The following UBE2B variants were observed in gnomAD, a reference collection of about 807,000 sequenced individuals.
The protein encoded by UBE2B is ubiquitin-conjugating enzyme E2 B.
In UBE2B, 11 loss-of-function variants were observed where a neutral mutation model predicts 24.6. The observed-to-expected ratio is 0.45, with a 90% CI of 0.28 to 0.74. The LOEUF (loss-of-function observed/expected upper bound fraction) is 0.74. Among genes scored for constraint, UBE2B ranks in the 30% least tolerant of loss-of-function variants. The probability of loss-of-function intolerance (pLI) is 0.13; values close to 1 mark genes in which losing one functional copy is unlikely to be tolerated. For missense variants in UBE2B, 78 were observed against 185.6 expected (o/e 0.42, Z 3.37); for synonymous variants, 68 against 62.4 (o/e 1.09, Z -0.42).
intron 1 of UBE2B, among the ~76,000 whole-genome samples, chr5:134,373,557 CAT>C (rs1758535750): frequency 6.6e-6 from 1 of 152,138 alleles, no homozygotes; most frequent in African/African-American, 2.4e-5. Flanking sequence ...TATGTATACA[CAT>C]GTGCCATGTT....
intron 4 of UBE2B, among the ~76,000 whole-genome samples, chr5:134,383,985 G>A (rs1459474223): frequency 4.6e-5 from 7 of 151,882 alleles, no homozygotes; most frequent in South Asian, 4.2e-4. Flanking sequence ...TTCACTAAAC[G>A]ATGGCTAATT....
intron 2 of UBE2B, 114 bp from the exon 3 acceptor site, chr5:134,376,555 A>C (rs1758614302): frequency 8.7e-7 from 1 of 1,147,414 alleles, no homozygotes; most frequent in East Asian, 2.4e-5. Context: ...AAAACTCCAC[A>C]AATCATCAGA....
At chr5:134,384,061 T>A (rs6863127) in intron 4 of UBE2B, among the ~76,000 whole-genome samples, 2 of 152,224 alleles carry the variant, frequency 1.3e-5, no homozygotes, top group East Asian at 3.9e-4. Flanking sequence ...TATATTTCTG[T>A]ATTATAAATT....
chr5:134,385,997 A>G (rs1313597264), intron 4 of UBE2B, among the ~76,000 whole-genome samples: 1 of 149,774 alleles, frequency 6.7e-6, no homozygotes, highest in African/African-American at 2.5e-5. Context: ...TGGGTGACAG[A>G]GCGAGACTCC....
At chr5:134,378,159 G>C (rs35489320) in intron 3 of UBE2B, among the ~76,000 whole-genome samples, 1 of 152,288 alleles carries the variant, frequency 6.6e-6, no homozygotes, top group East Asian at 1.9e-4. Flanking sequence ...GACAGAGTGA[G>C]ACCTTGTCTT....
intron 2 of UBE2B, among the ~76,000 whole-genome samples, chr5:134,376,340 A>ATACATAT (rs1206993709): frequency 8.4e-4 from 5 of 5,924 alleles, no homozygotes; most frequent in Admixed American, 2.7e-3. Context: ...AAAAAAAAAA[A>ATACATAT]AAAAAAAAAT....
intron 2 of UBE2B, 95 bp from the exon 3 acceptor site, chr5:134,376,574 C>G: frequency 1.5e-6 from 2 of 1,344,106 alleles, no homozygotes; most frequent in Non-Finnish European, 2.1e-6. Context: ...GAATGAGTCC[C>G]TCTTTTTCTG....
At chr5:134,380,919 C>T (rs1758697263) in intron 4 of UBE2B, 111 bp downstream of exon 4, 1 of 519,424 alleles carries the variant, frequency 1.9e-6, no homozygotes, top group Non-Finnish European at 3.6e-6. Flanking sequence ...GTAGGTGTTG[C>T]TTCCATGTCC....
At position 134,371,769 on chromosome 5, in the gene UBE2B, C is replaced by G. The variant is rs1365847365; in HGVS notation, c.44+130C>G. 4 of 1,405,064 alleles carry G rather than the reference C, an allele frequency of 2.8e-6. No individual in the cohort carries two copies. The East Asian group carries it at 9.8e-5, about 34-fold the overall frequency. The allele number at this position is 1,405,064 out of a possible 1,614,324, so 87.0% of individuals were successfully genotyped here. On this transcript the variant is annotated intron_variant, in intron 1 of 5. Coordinates refer to ENST00000265339, the MANE Select transcript of UBE2B (RefSeq NM_003337.4). ...GTGGGCCCAGCGGGACTGGCGGAAG[C>G]CGGGTCCTAGCCTCGGCCCTACTCC...
intron 4 of UBE2B, 26 bp from the exon 5 acceptor site, chr5:134,388,299 A>G (rs1758839760): frequency 6.3e-7 from 1 of 1,595,386 alleles, no homozygotes; most frequent in Non-Finnish European, 8.6e-7. Flanking sequence ...CAGAGTGTGT[A>G]ACTAATTTTA....
Position 134,376,338 on chromosome 5 carries a change from A to ATATATATATATAT in UBE2B, c.126-331_126-330insTATATATATATAT, listed in dbSNP as rs1276778610. ...ACTCCGTCTCAAAAAAAAAAAAAAA[A>ATATATATATATAT]AAAAAAAAAAATATATATATATATA... On this transcript the variant is annotated intron_variant, in intron 2 of 5. Coordinates refer to ENST00000265339, the MANE Select transcript of UBE2B (RefSeq NM_003337.4). 8.5e-3 allele frequency among the ~76,000 whole-genome samples: 37 copies of ATATATATATATAT among 4,366 alleles called. 1 individual carries two copies. The highest frequency in any genetic ancestry group is 0.015 in the Admixed American group (3 of 204). The allele number at this position is 4,366 out of a possible 152,430, so 2.9% of individuals were successfully genotyped here. A position where few individuals can be genotyped will look rare whatever the true frequency, so the allele number is the denominator to read the frequency against.
rs1014094703 is a variant in UBE2B at position 134,391,779 on chromosome 5, A to G, written c.*1426A>G. On this transcript the variant is annotated 3_prime_UTR_variant, in exon 6 of 6. Transcript: ENST00000265339. ...GGACTTTGAGACCAGCCAGGGCAACATAATAAGACTTTTCTCTACTTTAAA... is the reference window on the plus strand; with the variant it reads ...GGACTTTGAGACCAGCCAGGGCAACGTAATAAGACTTTTCTCTACTTTAAA... 8 of 152,238 alleles carry G rather than the reference A, an allele frequency of 5.3e-5. No homozygotes were observed. The highest frequency in any genetic ancestry group is 2.6e-4 in the Admixed American group (4 of 15,276). 9.4% of individuals were successfully genotyped at this position (152,238 alleles called of 1,614,324 possible). A position where few individuals can be genotyped will look rare whatever the true frequency, so the allele number is the denominator to read the frequency against.
chr5:134,381,665 C>T (rs892236403), intron 4 of UBE2B, among the ~76,000 whole-genome samples: 12 of 152,110 alleles, frequency 7.9e-5, no homozygotes, highest in African/African-American at 2.9e-4. Context: ...AATACATGGT[C>T]GGGCATGGTG....
chr5:134,384,205 C>A (rs1482122113), intron 4 of UBE2B, among the ~76,000 whole-genome samples: 2 of 152,186 alleles, frequency 1.3e-5, no homozygotes, highest in Non-Finnish European at 2.9e-5. Context: ...TTGGTCGTGT[C>A]TCTAGTACTG....
At chr5:134,381,779 A>G (rs1028177609) in intron 4 of UBE2B, among the ~76,000 whole-genome samples, 2 of 152,160 alleles carry the variant, frequency 1.3e-5, no homozygotes, top group Non-Finnish European at 2.9e-5. Flanking sequence ...CCCCATCACT[A>G]CTAAAAATAC....
At chr5:134,376,020 G>A (rs896117468) in intron 2 of UBE2B, among the ~76,000 whole-genome samples, 2 of 151,460 alleles carry the variant, frequency 1.3e-5, no homozygotes, top group Non-Finnish European at 2.9e-5. Context: ...AAAATGAAAA[G>A]ATGTCTTTTC....
At chr5:134,382,693 G>C (rs1483295988) in intron 4 of UBE2B, among the ~76,000 whole-genome samples, 1 of 151,674 alleles carries the variant, frequency 6.6e-6, no homozygotes, top group Admixed American at 6.6e-5. Flanking sequence ...AGAATTGCTG[G>C]AGCCTGGGAG....
At chr5:134,376,821 GGAAAA>G (rs1409899056) in intron 3 of UBE2B, 127 bp downstream of exon 3, 1 of 889,518 alleles carries the variant, frequency 1.1e-6, no homozygotes, top group African/African-American at 1.7e-5. Context: ...GTAAAGCTAT[GGAAAA>G]TTTATACTTC....
In UBE2B at chr5:134,387,906, G is replaced by A. The variant is rs34688050; in HGVS notation, c.242-419G>A. 5.1e-3 allele frequency among the ~76,000 whole-genome samples: 770 copies of A among 152,148 alleles called. 2 individuals are homozygous for A. Among genetic ancestry groups the A allele is most frequent in the African/African-American group, 0.018 (737 of 41,496 alleles). Reference sequence around the variant, plus strand: ...CAACCCCTGCCTCCTGGGTTCAAGCGATTCTCCTGCCTCAGCCTTCCAAGT... The same window carrying A: ...CAACCCCTGCCTCCTGGGTTCAAGCAATTCTCCTGCCTCAGCCTTCCAAGT... On this transcript the variant is annotated intron_variant, in intron 4 of 5. Coordinates refer to ENST00000265339, the MANE Select transcript of UBE2B (RefSeq NM_003337.4).
Sources: allele counts gnomAD v4.1 joint callset (sites outside exome capture counted in the v4.1 genomes callset), GRCh38; gene constraint gnomAD v4.1.1; transcripts MANE v1.5; gene names NCBI Gene and HGNC (gene_info 2026-07-23, HGNC 2026-07-21).